MSI2: variants seen among roughly 807,000 people sequenced by gnomAD.
MSI2 encodes the protein RNA-binding protein Musashi homolog 2.
MSI2 carries 17 observed loss-of-function variants against 45.6 expected under a neutral mutation model. The ratio of observed to expected loss-of-function variants is 0.37; its 90% confidence interval spans 0.26 to 0.56. The LOEUF is 0.56. MSI2 is among the 20% of genes least tolerant of loss of function. The pLI is 0.77. For synonymous variants in MSI2, 156 were observed against 158.2 expected, an observed-to-expected ratio of 0.99 and a Z score of 0.11; for missense variants, 293 against 444.2, an observed-to-expected ratio of 0.66 and a Z score of 3.06.
chr17:57,636,658 G>A (rs1214965378), intron 10 of MSI2, among the ~76,000 whole-genome samples: 3 of 152,176 alleles, frequency 2.0e-5, no homozygotes, highest in Admixed American at 6.5e-5. Context: ...TTGCCTGGAC[G>A]GCCCCTCATT....
At chr17:57,545,990 A>G (rs1029595186) in intron 7 of MSI2, among the ~76,000 whole-genome samples, 4 of 152,122 alleles carry the variant, frequency 2.6e-5, no homozygotes, top group Non-Finnish European at 1.5e-5. Flanking sequence ...GGGGACACTT[A>G]TCATCCCGTC....
intron 5 of MSI2, among the ~76,000 whole-genome samples, chr17:57,386,546 C>T (rs1185351832): frequency 6.6e-6 from 1 of 152,200 alleles, no homozygotes; most frequent in Non-Finnish European, 1.5e-5. Flanking sequence ...GTGCACCAAA[C>T]AGATGCAAGT....
Position 57,529,593 on chromosome 17 carries a change from C to T in MSI2, c.406-83C>T. On this transcript the variant is annotated intron_variant, in intron 6 of 13. Coordinates refer to ENST00000284073, the MANE Select transcript of MSI2 (RefSeq NM_138962.4). This position sits in a 1 kb window ranked among gnomAD's most constrained non-coding sequence, Gnocchi z 5.3. ...ATTACTTCTGTAATGGAAACTACCC[C>T]CTCACCCCCCGACATGCATATAATG... 5 of 1,280,550 alleles carry T rather than the reference C, an allele frequency of 3.9e-6. No individual in the cohort carries two copies. Among genetic ancestry groups the T allele is most frequent in the South Asian group, 3.8e-5 (3 of 79,978 alleles). 79.3% of individuals were successfully genotyped at this position (1,280,550 alleles called of 1,614,324 possible).
chr17:57,656,440 C>G (rs1257159098), intron 11 of MSI2, among the ~76,000 whole-genome samples: 1 of 152,226 alleles, frequency 6.6e-6, no homozygotes, highest in Non-Finnish European at 1.5e-5. Context: ...AGCCCTTCTA[C>G]TCCTTGAGTC....
chr17:57,350,726 C>T (rs1019198454), intron 5 of MSI2, among the ~76,000 whole-genome samples: 9 of 152,196 alleles, frequency 5.9e-5, no homozygotes, highest in African/African-American at 1.9e-4. Flanking sequence ...GCCTCCTGAT[C>T]CCCTCTGCCT....
intron 6 of MSI2, among the ~76,000 whole-genome samples, chr17:57,481,272 C>A (rs909149923): frequency 6.6e-6 from 1 of 152,296 alleles, no homozygotes; most frequent in African/African-American, 2.4e-5. Context: ...AAGGATATAT[C>A]CATTCTGCTG....
chr17:57,681,041 C>T lies in MSI2; in HGVS notation c.*1524C>T, dbSNP rs990572888. Reference sequence around the variant, plus strand: ...AATACCTCAGTGCTGCAAGTATCACCAGAGAGGCTATGGAAGAATTTTTTT... The same window carrying T: ...AATACCTCAGTGCTGCAAGTATCACTAGAGAGGCTATGGAAGAATTTTTTT... On this transcript the variant is annotated 3_prime_UTR_variant, in exon 14 of 14. Coordinates refer to ENST00000284073, the MANE Select transcript of MSI2 (RefSeq NM_138962.4). The T allele has an allele frequency of 4.3e-5, 8 of 185,308 alleles. No individual in the cohort carries two copies. The highest frequency in any genetic ancestry group is 9.4e-5 in the African/African-American group (4 of 42,582). 11.5% of individuals were successfully genotyped at this position (185,308 alleles called of 1,614,324 possible). A position where few individuals can be genotyped will look rare whatever the true frequency, so the allele number is the denominator to read the frequency against.
At chr17:57,643,470 G>T (rs761876329) in intron 10 of MSI2, among the ~76,000 whole-genome samples, 46 of 152,346 alleles carry the variant, frequency 3.0e-4, no homozygotes, top group Admixed American at 7.8e-4. Flanking sequence ...GGGTCAGTGG[G>T]GTGGGACAGG....
chr17:57,521,889 T>C (rs186538655), intron 6 of MSI2, among the ~76,000 whole-genome samples: 20 of 152,320 alleles, frequency 1.3e-4, no homozygotes, highest in Non-Finnish European at 2.1e-4. Context: ...TCCAGTCTGC[T>C]CCTTCTTCTC....
chr17:57,401,359 T>A lies in MSI2; in HGVS notation c.313-20T>A. ...AGATAACCTGGTTAACCCATGCCTT[T>A]CTCTTGTCATTTCTTGCAGATGGTC... On this transcript the variant is annotated intron_variant, in intron 5 of 13. Transcript: ENST00000284073. 1 of 1,606,856 alleles carries A rather than the reference T, an allele frequency of 6.2e-7. No homozygotes were observed. The highest frequency in any genetic ancestry group is 8.5e-7 in the Non-Finnish European group (1 of 1,173,288).
intron 5 of MSI2, among the ~76,000 whole-genome samples, chr17:57,311,951 G>T (rs1912437231): frequency 6.6e-6 from 1 of 152,178 alleles, no homozygotes; most frequent in African/African-American, 2.4e-5. Context: ...TCTCACCTTG[G>T]ACTCCCAAAG....
rs138355953 is a variant in MSI2, at chr17:57,452,388, C to T, written c.405+50917C>T. ...GAGGGGAAGCAACTTCCCCAGGCCA[C>T]CTTGCCTGCAAGCATGCCAGTGGCA... is the stretch of plus-strand genomic sequence containing the variant. On this transcript the variant is annotated intron_variant, in intron 6 of 13. Transcript: ENST00000284073. Among the ~76,000 whole-genome samples, 728 of 152,386 alleles carry T rather than the reference C, an allele frequency of 4.8e-3. 5 individuals are homozygous for T. Among genetic ancestry groups the T allele is most frequent in the Middle Eastern group, 0.014 (4 of 294 alleles).
intron 6 of MSI2, among the ~76,000 whole-genome samples, chr17:57,477,043 A>C (rs974371898): frequency 8.5e-5 from 13 of 152,162 alleles, no homozygotes; most frequent in Admixed American, 4.6e-4. Flanking sequence ...TAGTGGGGAC[A>C]GAAAAATTCT....
chr17:57,484,414 T>TC (rs1320067019), intron 6 of MSI2, among the ~76,000 whole-genome samples: 8 of 152,186 alleles, frequency 5.3e-5, no homozygotes, highest in Non-Finnish European at 8.8e-5. Context: ...AAATATTTCT[T>TC]CCCCCTCGGA....
At chr17:57,331,901 T>G (rs1054521982) in intron 5 of MSI2, among the ~76,000 whole-genome samples, 1 of 152,192 alleles carries the variant, frequency 6.6e-6, no homozygotes, top group Non-Finnish European at 1.5e-5. Flanking sequence ...TCGAGTTGCT[T>G]TTAGTGTTAC....
At chr17:57,662,897 G>C (rs1912091490) in intron 11 of MSI2, among the ~76,000 whole-genome samples, 1 of 152,246 alleles carries the variant, frequency 6.6e-6, no homozygotes, top group South Asian at 2.1e-4. Flanking sequence ...GCGTGGTCGT[G>C]TAAGAGGAAG....
At chr17:57,450,043 C>CA (rs2084968756) in intron 6 of MSI2, 1 of 151,970 alleles carries the variant, frequency 6.6e-6, no homozygotes, top group Non-Finnish European at 1.5e-5. Context: ...AACAAACAAA[C>CA]AAACAAACAA....
chr17:57,664,285 G>A (rs1015649163), intron 11 of MSI2, among the ~76,000 whole-genome samples: 1 of 152,288 alleles, frequency 6.6e-6, no homozygotes, highest in East Asian at 1.9e-4. Flanking sequence ...TTGGGAGGCC[G>A]AGGCGGCTGA....
At chr17:57,367,582 G>T (rs1291179683) in intron 5 of MSI2, among the ~76,000 whole-genome samples, 1 of 152,168 alleles carries the variant, frequency 6.6e-6, no homozygotes, top group East Asian at 1.9e-4. Context: ...TTTTCCTGTA[G>T]CTTAGGAACA....
Sources: gnomAD v4.1 joint callset for allele counts (sites outside exome capture counted in the v4.1 genomes callset) on GRCh38, gnomAD v4.1.1 for gene constraint, Gnocchi (gnomAD v3.1) non-coding constraint, MANE v1.5 for transcripts, NCBI Gene and HGNC (gene_info 2026-07-23, HGNC 2026-07-21) for gene names.